The following PLD1 variants were observed in gnomAD, a reference collection of about 807,000 sequenced individuals.
PLD1 encodes the protein phospholipase D1.
Under a neutral mutation model 137.1 loss-of-function variants are expected in PLD1, and 112 were observed. The observed-to-expected ratio is 0.82, with a 90% CI of 0.70 to 0.96. The LOEUF (loss-of-function observed/expected upper bound fraction) is 0.96, where lower values mean the gene tolerates loss of function less well. Among genes scored for constraint, PLD1 ranks in the 40% least tolerant of loss-of-function variants. PLD1 has a pLI of 0.00. For missense variants in PLD1, 1,321 were observed against 1,342.0 expected, an observed-to-expected ratio of 0.98 and a Z score of 0.24; for synonymous variants, 431 against 454.7, an observed-to-expected ratio of 0.95 and a Z score of 0.66.
chr3:171,799,231 C>G (rs929760420), intron 1 of PLD1, among the ~76,000 whole-genome samples: 4 of 150,486 alleles, frequency 2.7e-5, no homozygotes, highest in Non-Finnish European at 4.4e-5. Context: ...CGCAGCTACT[C>G]AGGAGGCTAA....
chr3:171,704,974 C>A (rs575269619), intron 11 of PLD1, among the ~76,000 whole-genome samples: 1 of 152,274 alleles, frequency 6.6e-6, no homozygotes, highest in African/African-American at 2.4e-5. Context: ...CATGTTCCCA[C>A]GAGAATCTAA....
chr3:171,734,203 A>T (rs189366550), intron 5 of PLD1, among the ~76,000 whole-genome samples: 2 of 152,360 alleles, frequency 1.3e-5, no homozygotes, highest in East Asian at 3.9e-4. Context: ...GCCTACAAAG[A>T]TTTTAAACAA....
At chr3:171,650,831 G>A (rs1317249624) in intron 21 of PLD1, among the ~76,000 whole-genome samples, 1 of 152,016 alleles carries the variant, frequency 6.6e-6, no homozygotes, top group African/African-American at 2.4e-5. Flanking sequence ...CCGGGAGGCG[G>A]AGCTTGGCAG....
rs557146456 is a variant in PLD1, at chr3:171,676,839, C to T, written c.1997-6G>A. On this transcript the variant is annotated splice_region_variant and splice_polypyrimidine_tract_variant and intron_variant, in intron 17 of 26. Transcript: ENST00000351298. Reference sequence around the variant, plus strand: ...GGAGTACCTGTCAATGAAATCTGCCCGGGTGCACCAGGCAAGGATCAGTCA... The same window carrying T: ...GGAGTACCTGTCAATGAAATCTGCCTGGGTGCACCAGGCAAGGATCAGTCA... 35 of 1,590,022 alleles carry T rather than the reference C, an allele frequency of 2.2e-5. No homozygotes were observed. Among genetic ancestry groups the T allele is most frequent in the African/African-American group, 4.0e-5 (3 of 74,586 alleles).
chr3:171,706,488 T>A (rs1716706223), intron 11 of PLD1, among the ~76,000 whole-genome samples: 1 of 152,294 alleles, frequency 6.6e-6, no homozygotes, highest in South Asian at 2.1e-4. Context: ...ATTTTCTTTA[T>A]AACCTTTGTC....
chr3:171,603,109 T>C lies in PLD1; in HGVS notation c.3194A>G (p.Glu1065Gly), dbSNP rs1560134959. 3 of 1,614,000 alleles carry C rather than the reference T, an allele frequency of 1.9e-6. No individual in the cohort carries two copies. The highest frequency in any genetic ancestry group is 2.5e-6 in the Non-Finnish European group (3 of 1,179,974). Residue 1065 changes from glutamate to glycine, a missense_variant, in exon 27 of 27, where the codon GAG becomes GGG. Physicochemically the swap from Glu to Gly is moderately conservative, Grantham distance 98. Coordinates refer to ENST00000351298, the MANE Select transcript of PLD1 (RefSeq NM_002662.5). ...ESLLPSVGTKEAIVPMEVWT is the reference protein window; with the variant it reads ...ESLLPSVGTKGAIVPMEVWT ...CCAAACCTCCATGGGCACTATGGCC[T>C]CTTTGGTCCCAACAGAAGGCAGTAG...
At chr3:171,620,742 C>CTCTCTATATATA (rs1473647659) in intron 23 of PLD1, among the ~76,000 whole-genome samples, 28 of 94,780 alleles carry the variant, frequency 3.0e-4, no homozygotes, top group Non-Finnish European at 4.1e-4. Context: ...CTCTCTCTCT[C>CTCTCTATATATA]TATATATATA....
Position 171,735,384 on chromosome 3 carries a change from C to A in PLD1, c.434+108G>T, listed in dbSNP as rs1036160778. ...CTCATGACCTCAACTGATCCTCCTG[C>A]CTCAGCCTCCCAAAGTGGTGAGATT... On this transcript the variant is annotated intron_variant, in intron 4 of 26. Coordinates refer to ENST00000351298, the MANE Select transcript of PLD1 (RefSeq NM_002662.5). The A allele has an allele frequency of 1.7e-5, 15 of 885,306 alleles. No homozygotes were observed. The African/African-American group carries it at 2.1e-4, about 13-fold the overall frequency. The allele number at this position is 885,306 out of a possible 1,614,324, so 54.8% of individuals were successfully genotyped here.
intron 23 of PLD1, among the ~76,000 whole-genome samples, chr3:171,638,571 T>A (rs1281193426): frequency 6.6e-6 from 1 of 152,216 alleles, no homozygotes; most frequent in African/African-American, 2.4e-5. Flanking sequence ...TTGCGGATGG[T>A]AGAACTAATT....
chr3:171,764,992 AAG>A (rs1491094934), intron 1 of PLD1: 3 of 141,416 alleles, frequency 2.1e-5, no homozygotes, highest in African/African-American at 5.3e-5. Context: ...GAAAGAAAGA[AAG>A]AAAGAAAGAA....
intron 1 of PLD1, among the ~76,000 whole-genome samples, chr3:171,771,765 G>C (rs926723174): frequency 1.3e-5 from 2 of 152,172 alleles, no homozygotes; most frequent in Non-Finnish European, 2.9e-5. Flanking sequence ...TCATTTCTGA[G>C]AATCAAATGT....
At position 171,687,384 on chromosome 3, in the gene PLD1, A is replaced by G. The variant is rs1336187131; in HGVS notation, c.1740T>C (p.Ile580=). ...GCCATGACTTACTGGAGGTGCTGTC[A>G]ATGCTGCTGATGCTATCTGCGTCGT... ...HLHDADSISS[I]DSTSSYFNHY... is the part of the protein sequence containing the mutation. The change falls in exon 15 of 27, where the codon ATT becomes ATC. Residue 580 remains isoleucine (I), a synonymous_variant. Transcript: ENST00000351298. 2 of 1,614,072 alleles carry G rather than the reference A, an allele frequency of 1.2e-6. No individual in the cohort carries two copies. Among genetic ancestry groups the G allele is most frequent in the Non-Finnish European group, 1.7e-6 (2 of 1,179,916 alleles).
At chr3:171,615,744 A>G (rs964082797) in intron 24 of PLD1, among the ~76,000 whole-genome samples, 5 of 151,990 alleles carry the variant, frequency 3.3e-5, no homozygotes, top group Admixed American at 3.3e-4. Context: ...CACACTAGGG[A>G]TTTCTTTATT....
In PLD1 at chr3:171,687,486, T is replaced by C; in HGVS notation, c.1638A>G (p.Ser546=). 6.2e-7 allele frequency: 1 copy of C among 1,614,132 alleles called. No individual in the cohort carries two copies. The highest frequency in any genetic ancestry group is 8.5e-7 in the Non-Finnish European group (1 of 1,179,960). The part of the protein sequence containing the change: ...PIQKSIDDVD[S]KLKGIGKPRK... The stretch of plus-strand genomic sequence containing the variant: ...TTGGCTTTCCTATTCCTTTCAGTTT[T>C]GAATCCACATCATCAATACTCTTCT... The change falls in exon 15 of 27, where the codon TCA becomes TCG. Residue 546 remains serine, a synonymous_variant. Transcript: ENST00000351298.
In PLD1 at chr3:171,676,736, G is replaced by A; in HGVS notation, c.2094C>T (p.Ile698=). Residue 698 remains isoleucine (I), a synonymous_variant, in exon 18 of 27, where the codon ATC becomes ATT. Transcript: ENST00000351298. ...GTACTTTTGTGAAGTTCCAGCGCTGGATGAAGTGACGTGCCACATCACGAG... is the reference window on the plus strand; with the variant it reads ...GTACTTTTGTGAAGTTCCAGCGCTGAATGAAGTGACGTGCCACATCACGAG... The part of the protein sequence containing the change: ...KAARDVARHF[I]QRWNFTKIMK... The A allele has an allele frequency of 6.2e-7, 1 of 1,613,724 alleles. No individual in the cohort carries two copies. The highest frequency in any genetic ancestry group is 8.5e-7 in the Non-Finnish European group (1 of 1,179,652).
intron 12 of PLD1, among the ~76,000 whole-genome samples, chr3:171,698,811 CAA>C (rs11359377): frequency 0.27 from 28,392 of 103,812 alleles, 3,174 homozygotes; most frequent in Admixed American, 0.37. Flanking sequence ...TACAAAAATA[CAA>C]AAAAAAAAAA....
intron 12 of PLD1, among the ~76,000 whole-genome samples, chr3:171,696,851 C>T (rs9290429): frequency 0.04 from 6,138 of 152,072 alleles, 400 homozygotes; most frequent in African/African-American, 0.14. Flanking sequence ...AATATCGCTA[C>T]CCACAGTTTA....
chr3:171,730,679 C>T (rs906680904), intron 6 of PLD1, among the ~76,000 whole-genome samples: 1 of 134,714 alleles, frequency 7.4e-6, no homozygotes, highest in East Asian at 2.1e-4. Flanking sequence ...TCCTCTATAA[C>T]CCAGGCTGGA....
In PLD1 at chr3:171,735,513, C is replaced by A. The variant is rs752402428; in HGVS notation, c.413G>T (p.Arg138Leu). 1 of 1,613,098 alleles carries A rather than the reference C, an allele frequency of 6.2e-7. No individual in the cohort carries two copies. Among genetic ancestry groups the A allele is most frequent in the Non-Finnish European group, 8.5e-7 (1 of 1,179,140 alleles). The change falls in exon 4 of 27, where the codon CGC becomes CTC. Residue 138 changes from arginine (R) to leucine (L), a missense_variant. Coordinates refer to ENST00000351298, the MANE Select transcript of PLD1 (RefSeq NM_002662.5). ...TTACCTTCTAGTGGGAATGGGGATG[C>A]GGATAAAGGCTTTGTACTTGAGCAG... ...RELLKYKAFI[R>L]IPIPTRRHTF...
Sources: gnomAD v4.1 joint callset for allele counts (sites outside exome capture counted in the v4.1 genomes callset) on GRCh38, gnomAD v4.1.1 for gene constraint, MANE v1.5 for transcripts, NCBI Gene and HGNC (gene_info 2026-07-23, HGNC 2026-07-21) for gene names.